The following WDR27 variants were observed in gnomAD, a reference collection of about 807,000 sequenced individuals.
The protein encoded by WDR27 is WD repeat-containing protein 27.
A neutral mutation model predicts 114.4 loss-of-function variants in WDR27; 100 were observed. That is an observed-to-expected ratio of 0.87 (90% CI 0.74 to 1.03). The LOEUF (loss-of-function observed/expected upper bound fraction) is 1.03. WDR27 is among the 50% of genes least tolerant of loss of function. The pLI, the probability that WDR27 is intolerant of heterozygous loss-of-function variation, is 0.00. For synonymous variants in WDR27, 449 were observed against 423.1 expected (o/e 1.06, Z -0.75); for missense variants, 1,129 against 1,092.9 (o/e 1.03, Z -0.47).
At position 169,638,589 on chromosome 6, in the gene WDR27, C is replaced by T. The variant is rs373068561; in HGVS notation, c.1819G>A (p.Gly607Arg). 20 of 1,609,364 alleles carry T rather than the reference C, an allele frequency of 1.2e-5. No individual in the cohort carries two copies. The highest frequency in any genetic ancestry group is 2.2e-5 in the South Asian group (2 of 90,038). Reference sequence around the variant, plus strand: ...CGAGCCGACCACATTCGCAGGGTCCCGTCCCGGGCCGCAGAGAGCAGCCAC... The same window carrying T: ...CGAGCCGACCACATTCGCAGGGTCCTGTCCCGGGCCGCAGAGAGCAGCCAC... Reference protein sequence around the residue: ...RRWLLSAARDGTLRMWSARGA... With the variant: ...RRWLLSAARDRTLRMWSARGA... The change falls in exon 18 of 26, where the codon GGG becomes AGG. Residue 607 changes from glycine (G) to arginine (R), a missense_variant. Coordinates refer to ENST00000448612, the MANE Select transcript of WDR27 (RefSeq NM_182552.5).
chr6:169,505,935 G>A (rs531607387), intron 25 of WDR27, among the ~76,000 whole-genome samples: 2 of 152,266 alleles, frequency 1.3e-5, no homozygotes, highest in South Asian at 2.1e-4. Flanking sequence ...CACACTGCAC[G>A]CTGCCCACAT....
intron 21 of WDR27, among the ~76,000 whole-genome samples, chr6:169,629,484 T>C (rs1815749322): frequency 6.6e-6 from 1 of 152,148 alleles, no homozygotes; most frequent in Admixed American, 6.5e-5. Flanking sequence ...CAAAAATAAA[T>C]TATAATTGGC....
intron 22 of WDR27, among the ~76,000 whole-genome samples, chr6:169,613,191 C>T: frequency 6.6e-6 from 1 of 152,188 alleles, no homozygotes; most frequent in East Asian, 1.9e-4. Context: ...GCCGCTGGCC[C>T]TGCGTTACGG....
At chr6:169,576,114 C>T (rs1208205809) in intron 24 of WDR27, among the ~76,000 whole-genome samples, 4 of 152,232 alleles carry the variant, frequency 2.6e-5, no homozygotes, top group Non-Finnish European at 5.9e-5. Flanking sequence ...CAGATGAACA[C>T]CACTCCTAAA....
At chr6:169,513,216 C>A (rs1384971861) in intron 25 of WDR27, among the ~76,000 whole-genome samples, 1 of 152,126 alleles carries the variant, frequency 6.6e-6, no homozygotes, top group Non-Finnish European at 1.5e-5. Context: ...GCATGGTGGC[C>A]TCAGTGAGGT....
intron 21 of WDR27, among the ~76,000 whole-genome samples, chr6:169,615,269 G>C (rs1387729076): frequency 6.6e-6 from 1 of 152,100 alleles, no homozygotes; most frequent in East Asian, 1.9e-4. Flanking sequence ...GTGTGGGTTT[G>C]TTATATAAGT....
intron 25 of WDR27, among the ~76,000 whole-genome samples, chr6:169,544,080 C>G (rs543389601): frequency 6.6e-6 from 1 of 152,256 alleles, no homozygotes; most frequent in South Asian, 2.1e-4. Context: ...CTCAGCAATT[C>G]AGGAAGAGAG....
intron 25 of WDR27, among the ~76,000 whole-genome samples, chr6:169,567,611 A>G (rs1181357667): frequency 6.6e-6 from 1 of 152,152 alleles, no homozygotes; most frequent in Non-Finnish European, 1.5e-5. Context: ...GCAAGACTGA[A>G]GGCGGCGTGC....
the WDR27 span, among the ~76,000 whole-genome samples, chr6:169,449,710 G>A: frequency 3.9e-5 from 6 of 152,330 alleles, no homozygotes; most frequent in African/African-American, 7.2e-5. Context: ...TTTCAAATCC[G>A]GCAGGAGGAG....
chr6:169,647,528 TAGTG>T (rs940433131), intron 16 of WDR27: 23 of 589,896 alleles, frequency 3.9e-5, no homozygotes, highest in Middle Eastern at 4.6e-4. Context: ...AATTCGCTGC[TAGTG>T]AGTGAGTGCC....
rs989171362 is a variant in WDR27, at chr6:169,672,369, G to A, written c.217C>T (p.Pro73Ser). The stretch of plus-strand genomic sequence containing the variant: ...TTTCCAAAAGCCATAGCAGTAATTG[G>A]CTGATGGTGTCCTCGTAGGATTAGA... ...QLLILRGHHQ[P>S]ITAMAFGNKV... Residue 73 changes from proline (P) to serine (S), a missense_variant, in exon 3 of 26, where the codon CCA becomes TCA. By Grantham distance (74) the Pro-to-Ser change is moderately conservative. Coordinates refer to ENST00000448612, the MANE Select transcript of WDR27 (RefSeq NM_182552.5). The A allele has an allele frequency of 6.2e-7, 1 of 1,609,874 alleles. No homozygotes were observed. Among genetic ancestry groups the A allele is most frequent in the Non-Finnish European group, 8.5e-7 (1 of 1,177,652 alleles).
chr6:169,466,132 T>C (rs998397479), intron 25 of WDR27, among the ~76,000 whole-genome samples: 1 of 152,182 alleles, frequency 6.6e-6, no homozygotes, highest in African/African-American at 2.4e-5. Context: ...ATGGGTCTCT[T>C]GCCCCGTTTC....
chr6:169,638,548 T>C lies in WDR27; in HGVS notation c.1860A>G (p.Ala620=), dbSNP rs775729119. The C allele has an allele frequency of 4.3e-6, 7 of 1,611,040 alleles. No individual in the cohort carries two copies. The highest frequency in any genetic ancestry group is 3.3e-5 in the Admixed American group (2 of 59,826). ...GATGACTGTCCATTACCAGAAGCAG[T>C]GCGAGCTCTGCCCCACGAGCCGACC... ...RMWSARGAEL[A]LLLGKDMFSK... is the part of the protein sequence containing the mutation. The change falls in exon 18 of 26, where the codon GCA becomes GCG. Residue 620 remains alanine, a synonymous_variant. Coordinates refer to ENST00000448612, the MANE Select transcript of WDR27 (RefSeq NM_182552.5).
intron 21 of WDR27, among the ~76,000 whole-genome samples, chr6:169,621,330 A>G (rs1263408390): frequency 1.6e-5 from 1 of 63,218 alleles, no homozygotes; most frequent in African/African-American, 3.7e-5. Context: ...TCACACATAT[A>G]CATACGCACA....
chr6:169,491,399 T>G (rs1000641126), intron 25 of WDR27, among the ~76,000 whole-genome samples: 22 of 152,156 alleles, frequency 1.4e-4, no homozygotes, highest in African/African-American at 5.3e-4. Flanking sequence ...TTTTAACCTC[T>G]TTTACAGTTA....
chr6:169,701,559 T>C lies in WDR27; in HGVS notation c.-16A>G, dbSNP rs1788071532. On this transcript the variant is annotated 5_prime_UTR_variant, in exon 1 of 26. Transcript: ENST00000448612. ...TTAATTAAAATAACCACCTGAGCCCTTTTCCTCCGAACTCCACATGCGCTC... is the reference window on the plus strand; with the variant it reads ...TTAATTAAAATAACCACCTGAGCCCCTTTCCTCCGAACTCCACATGCGCTC... The C allele has an allele frequency of 1.3e-5, 2 of 159,598 alleles. No individual in the cohort carries two copies. The highest frequency in any genetic ancestry group is 1.9e-4 in the East Asian group (1 of 5,192). The allele number at this position is 159,598 out of a possible 1,614,324, so 9.9% of individuals were successfully genotyped here.
intron 25 of WDR27, among the ~76,000 whole-genome samples, chr6:169,511,355 A>G (rs997886598): frequency 2.6e-5 from 4 of 152,182 alleles, no homozygotes; most frequent in African/African-American, 9.7e-5. Flanking sequence ...GGCAGTACCT[A>G]TTTGTGTGAA....
chr6:169,586,944 TG>T (rs1804761129), intron 23 of WDR27, among the ~76,000 whole-genome samples: 1 of 150,310 alleles, frequency 6.7e-6, no homozygotes, highest in African/African-American at 2.4e-5. Context: ...CTCACTGTCC[TG>T]CTTTCTTGGT....
intron 25 of WDR27, among the ~76,000 whole-genome samples, chr6:169,538,947 CT>C (rs1584066914): frequency 2.6e-5 from 4 of 152,096 alleles, no homozygotes; most frequent in African/African-American, 7.2e-5. Context: ...CCTGTTCTAT[CT>C]TAATTAAGGA....
Sources: gnomAD v4.1 joint callset for allele counts (sites outside exome capture counted in the v4.1 genomes callset) on GRCh38, gnomAD v4.1.1 for gene constraint, MANE v1.5 for transcripts, NCBI Gene and HGNC (gene_info 2026-07-23, HGNC 2026-07-21) for gene names.